The following SHISA6 variants were observed in gnomAD, a reference collection of about 807,000 sequenced individuals.
SHISA6 encodes the protein protein shisa-6.
In SHISA6, 22 loss-of-function variants were observed where a neutral mutation model predicts 47.9. That is an observed-to-expected ratio of 0.46 (90% CI 0.33 to 0.66). The LOEUF (loss-of-function observed/expected upper bound fraction) is 0.66, where lower values mean the gene tolerates loss of function less well. SHISA6 is among the 30% of genes least tolerant of loss of function. SHISA6 has a pLI of 0.02. For missense variants in SHISA6, 680 were observed against 764.6 expected (o/e 0.89, Z 1.30); for synonymous variants, 388 against 337.8 (o/e 1.15, Z -1.63).
intron 3 of SHISA6, among the ~76,000 whole-genome samples, chr17:11,474,405 G>GTTT (rs55978546): frequency 7.1e-6 from 1 of 141,466 alleles, no homozygotes; most frequent in Non-Finnish European, 1.5e-5. Context: ...CTTTTTGATG[G>GTTT]TTTTTTTTTT....
At chr17:11,518,796 A>G (rs2071605837) in intron 3 of SHISA6, among the ~76,000 whole-genome samples, 1 of 152,224 alleles carries the variant, frequency 6.6e-6, no homozygotes, top group South Asian at 2.1e-4. Flanking sequence ...CGTGCAGCCA[A>G]GACAGAGAAA....
chr17:11,360,900 T>C (rs1912251288), intron 2 of SHISA6, among the ~76,000 whole-genome samples: 1 of 151,822 alleles, frequency 6.6e-6, no homozygotes, highest in Non-Finnish European at 1.5e-5. Context: ...AACATGTCTG[T>C]AAAAGAAACT....
chr17:11,288,131 G>A (rs1161317007), intron 2 of SHISA6: 1 of 152,046 alleles, frequency 6.6e-6, no homozygotes, highest in Non-Finnish European at 1.5e-5. Flanking sequence ...AAAAGAAAAG[G>A]ATGCTTTAAA....
At chr17:11,353,354 G>A (rs1911959408) in intron 2 of SHISA6, among the ~76,000 whole-genome samples, 1 of 151,836 alleles carries the variant, frequency 6.6e-6, no homozygotes. Context: ...CTACTCGGGA[G>A]GCTGAGGCAA....
chr17:11,494,046 C>A (rs1267999847), intron 3 of SHISA6, among the ~76,000 whole-genome samples: 1 of 152,124 alleles, frequency 6.6e-6, no homozygotes, highest in African/African-American at 2.4e-5. Context: ...AAGCATAAGG[C>A]AGTCCTCATT....
In SHISA6 at chr17:11,563,382, C is replaced by G. The variant is rs1428909318; in HGVS notation, c.*5078C>G. On this transcript the variant is annotated 3_prime_UTR_variant, in exon 6 of 6. Coordinates refer to ENST00000441885, the MANE Select transcript of SHISA6 (RefSeq NM_207386.4). ...ACCTTTGTAGCCCTTCGTCATGACA[C>G]TACCGTCCTCCCGGTGAAGGCTTGT... The G allele has an allele frequency of 6.6e-6, 1 of 152,200 alleles. No homozygotes were observed. Among genetic ancestry groups the G allele is most frequent in the Non-Finnish European group, 1.5e-5 (1 of 68,028 alleles). 9.4% of individuals were successfully genotyped at this position (152,200 alleles called of 1,614,324 possible).
intron 3 of SHISA6, among the ~76,000 whole-genome samples, chr17:11,408,856 C>G (rs1381239459): frequency 6.6e-6 from 1 of 152,138 alleles, no homozygotes; most frequent in Non-Finnish European, 1.5e-5. Flanking sequence ...TGTGAAACTT[C>G]TGAAAGCTAA....
At chr17:11,321,918 G>A (rs781142991) in intron 2 of SHISA6, among the ~76,000 whole-genome samples, 1 of 151,996 alleles carries the variant, frequency 6.6e-6, no homozygotes, top group African/African-American at 2.4e-5. Flanking sequence ...TGTATTTTAT[G>A]TGTGGCTCAA....
In SHISA6 at chr17:11,306,435, C is replaced by T. The variant is rs541563383; in HGVS notation, c.799+42909C>T. Among the ~76,000 whole-genome samples, 3 of 152,248 alleles carry T rather than the reference C, an allele frequency of 2.0e-5. No homozygotes were observed. In the South Asian group the frequency reaches 6.2e-4, roughly 32 times the overall value. On this transcript the variant is annotated intron_variant, in intron 2 of 5. Coordinates refer to ENST00000441885, the MANE Select transcript of SHISA6 (RefSeq NM_207386.4). Reference sequence around the variant, plus strand: ...TGGGCTTCTGCTGGGTAGAAATTGCCTTGAGAGTGGAGGAGGTTTCTGATT... The same window carrying T: ...TGGGCTTCTGCTGGGTAGAAATTGCTTTGAGAGTGGAGGAGGTTTCTGATT...
chr17:11,554,462 G>A (rs2071958027), intron 4 of SHISA6, among the ~76,000 whole-genome samples: 1 of 152,156 alleles, frequency 6.6e-6, no homozygotes, highest in Admixed American at 6.5e-5. Flanking sequence ...CAATGCCTAG[G>A]AGGGCTTCTC....
rs149031715 is a variant in SHISA6 at position 11,544,853 on chromosome 17, C to T, written c.896-7043C>T. Reference sequence around the variant, plus strand: ...GCAGACAGCTGTAGTCCCAGCCACTCGGGAGGCTGAGGCAGGAGAATGGCA... The same window carrying T: ...GCAGACAGCTGTAGTCCCAGCCACTTGGGAGGCTGAGGCAGGAGAATGGCA... On this transcript the variant is annotated intron_variant, in intron 3 of 5. Coordinates refer to ENST00000441885, the MANE Select transcript of SHISA6 (RefSeq NM_207386.4). 9.1e-3 allele frequency among the ~76,000 whole-genome samples: 1,348 copies of T among 148,360 alleles called. 4 individuals carry two copies. The highest frequency in any genetic ancestry group is 0.017 in the African/African-American group (695 of 40,030).
At chr17:11,489,240 A>G (rs931792322) in intron 3 of SHISA6, among the ~76,000 whole-genome samples, 2 of 151,946 alleles carry the variant, frequency 1.3e-5, no homozygotes, top group Admixed American at 6.6e-5. Context: ...CGGGGCCCCA[A>G]TTTTATGAAA....
At chr17:11,519,037 A>G (rs2142361336) in intron 3 of SHISA6, among the ~76,000 whole-genome samples, 1 of 152,062 alleles carries the variant, frequency 6.6e-6, no homozygotes, top group South Asian at 2.1e-4. Flanking sequence ...CCCAACTCCC[A>G]CTTCCTCACG....
chr17:11,261,865 G>T (rs1908245174), intron 1 of SHISA6, among the ~76,000 whole-genome samples: 1 of 152,186 alleles, frequency 6.6e-6, no homozygotes. Context: ...TGCGTTTAAG[G>T]AACATTGCAG....
chr17:11,534,358 C>G (rs1381096278), intron 3 of SHISA6, among the ~76,000 whole-genome samples: 1 of 151,950 alleles, frequency 6.6e-6, no homozygotes, highest in Non-Finnish European at 1.5e-5. Context: ...CTACTATGAG[C>G]AAGTTGCACT....
intron 1 of SHISA6, among the ~76,000 whole-genome samples, chr17:11,261,916 G>C (rs558241521): frequency 2.0e-5 from 3 of 152,240 alleles, no homozygotes; most frequent in South Asian, 2.1e-4. Flanking sequence ...GGGATTGCAG[G>C]GTTTTCCATT....
At position 11,342,452 on chromosome 17, in the gene SHISA6, C is replaced by G. The variant is rs552661821; in HGVS notation, c.800-36962C>G. 2.0e-5 allele frequency among the ~76,000 whole-genome samples: 3 copies of G among 152,160 alleles called. No homozygotes were observed. In the East Asian group the frequency reaches 5.8e-4, roughly 30 times the overall value. On this transcript the variant is annotated intron_variant, in intron 2 of 5. Coordinates refer to ENST00000441885, the MANE Select transcript of SHISA6 (RefSeq NM_207386.4). ...GGAGAGAAGGCACAGGGACTCTTCC[C>G]ATCAGTCTAGGGGAGCCAGACCCTG... is the stretch of plus-strand genomic sequence containing the variant.
chr17:11,374,292 AT>A (rs1452602231), intron 2 of SHISA6, among the ~76,000 whole-genome samples: 1 of 152,100 alleles, frequency 6.6e-6, no homozygotes. Flanking sequence ...AGTAATGTAA[AT>A]ATACATTTTT....
chr17:11,505,939 G>T (rs1384032858), intron 3 of SHISA6, among the ~76,000 whole-genome samples: 2 of 152,184 alleles, frequency 1.3e-5, no homozygotes, highest in Non-Finnish European at 2.9e-5. Flanking sequence ...GCAGTAGAAT[G>T]AGGAAAGAAG....
Sources: gnomAD v4.1 joint callset for allele counts (sites outside exome capture counted in the v4.1 genomes callset) on GRCh38, gnomAD v4.1.1 for gene constraint, MANE v1.5 for transcripts, NCBI Gene and HGNC (gene_info 2026-07-23, HGNC 2026-07-21) for gene names.